Variants in MED15 observed in about 807,000 individuals in gnomAD.
The protein encoded by MED15 is mediator complex subunit 15.
A neutral mutation model predicts 118.7 loss-of-function variants in MED15; 41 were observed. The ratio of observed to expected loss-of-function variants is 0.35; its 90% confidence interval spans 0.27 to 0.45. The LOEUF (loss-of-function observed/expected upper bound fraction) is 0.45, where lower values mean the gene tolerates loss of function less well. Ranked by LOEUF, MED15 falls within the 20% of genes least tolerant of loss-of-function variation. The pLI, the probability that MED15 is intolerant of heterozygous loss-of-function variation, is 1.00. For missense variants in MED15, 740 were observed against 1,025.5 expected, an observed-to-expected ratio of 0.72 and a Z score of 3.80; for synonymous variants, 436 against 413.9, an observed-to-expected ratio of 1.05 and a Z score of -0.65.
At chr22:20,585,608 G>C in intron 16 of MED15, 120 bp from the exon 17 acceptor site, 1 of 928,250 alleles carries the variant, frequency 1.1e-6, no homozygotes, top group Non-Finnish European at 1.7e-6. Flanking sequence ...ACCTCCTCCA[G>C]GCTTTGCCAC....
At chr22:20,518,115 C>T (rs1357045930) in intron 1 of MED15, among the ~76,000 whole-genome samples, 1 of 85,542 alleles carries the variant, frequency 1.2e-5, no homozygotes, top group Non-Finnish European at 2.3e-5. Flanking sequence ...CATCGACAAG[C>T]GCTTGTTACC....
chr22:20,542,441 C>T (rs1417374240), intron 2 of MED15, among the ~76,000 whole-genome samples: 4 of 152,168 alleles, frequency 2.6e-5, no homozygotes, highest in African/African-American at 4.8e-5. Context: ...AAGCTAAAAA[C>T]ATTACATAAA....
rs5995891 is a variant in MED15, at chr22:20,546,201, C to A, written c.157-5235C>A. On this transcript the variant is annotated intron_variant, in intron 2 of 17. Transcript: ENST00000263205. The stretch of plus-strand genomic sequence containing the variant: ...AGCCCAGCTGTCCTGCAGCCCTCCC[C>A]ATGGGCTCTGATGTCTCCCAAGCTG... 2.7e-3 allele frequency among the ~76,000 whole-genome samples: 408 copies of A among 152,338 alleles called. 1 individual carries two copies. The highest frequency in any genetic ancestry group is 8.4e-3 in the African/African-American group (351 of 41,572).
At chr22:20,531,917 A>AGG (rs2054878368) in intron 1 of MED15, among the ~76,000 whole-genome samples, 1 of 152,160 alleles carries the variant, frequency 6.6e-6, no homozygotes, top group African/African-American at 2.4e-5. Flanking sequence ...AACAGGCCTG[A>AGG]TGGGATAGTC....
intron 1 of MED15, among the ~76,000 whole-genome samples, chr22:20,528,068 C>A (rs1263079608): frequency 6.6e-6 from 1 of 151,956 alleles, no homozygotes; most frequent in Non-Finnish European, 1.5e-5. Context: ...CTAATAAATT[C>A]TACATTTCCT....
At chr22:20,577,397 C>CCCCT (rs1315852895) in intron 9 of MED15, among the ~76,000 whole-genome samples, 7 of 150,922 alleles carry the variant, frequency 4.6e-5, no homozygotes, top group East Asian at 1.9e-4. Flanking sequence ...TCACAGGCAG[C>CCCCT]CCCTCCCTCC....
chr22:20,568,742 G>C, intron 8 of MED15, 111 bp downstream of exon 8: 1 of 1,489,804 alleles, frequency 6.7e-7, no homozygotes, highest in Non-Finnish European at 9.0e-7. Context: ...GGGCTAAGTT[G>C]GTAAAGCAGG....
At chr22:20,535,164 G>T (rs2055017624) in intron 1 of MED15, among the ~76,000 whole-genome samples, 1 of 152,136 alleles carries the variant, frequency 6.6e-6, no homozygotes, top group African/African-American at 2.4e-5. Context: ...CACCACGTTA[G>T]CCAGGCTGGT....
chr22:20,562,334 T>A (rs1355856764), intron 5 of MED15, among the ~76,000 whole-genome samples: 1 of 152,118 alleles, frequency 6.6e-6, no homozygotes. Context: ...TAAAAATAAA[T>A]CATAAAGCAA....
intron 1 of MED15, among the ~76,000 whole-genome samples, chr22:20,520,387 G>A (rs1169261931): frequency 2.6e-5 from 4 of 152,172 alleles, no homozygotes; most frequent in South Asian, 2.1e-4. Flanking sequence ...CTCAGGGTTC[G>A]TCCTCAGAAG....
intron 1 of MED15, among the ~76,000 whole-genome samples, chr22:20,516,933 TTA>T (rs1218684809): frequency 6.6e-6 from 1 of 152,178 alleles, no homozygotes; most frequent in Non-Finnish European, 1.5e-5. Context: ...CTCCACACAA[TTA>T]TTATTACTAT....
Position 20,568,543 on chromosome 22 carries a change from A to C in MED15, c.1064A>C (p.Gln355Pro). The C allele has an allele frequency of 1.9e-6, 3 of 1,613,738 alleles. No homozygotes were observed. The highest frequency in any genetic ancestry group is 2.5e-6 in the Non-Finnish European group (3 of 1,179,918). ...LKFVRAPMVV[Q>P]QPPVQPQVQQ... ...AAGGTCCGAGCTCCGATGGTGGTGCAGCAGCCCCCAGTGCAGCCCCAGGTG... is the reference window on the plus strand; with the variant it reads ...AAGGTCCGAGCTCCGATGGTGGTGCCGCAGCCCCCAGTGCAGCCCCAGGTG... Residue 355 changes from glutamine to proline, a missense_variant, in exon 8 of 18, where the codon CAG (glutamine) becomes CCG (proline). Transcript: ENST00000263205.
intron 11 of MED15, 37 bp downstream of exon 11, chr22:20,583,004 CTTTATGAG>C (rs1172117691): frequency 6.3e-7 from 1 of 1,596,936 alleles, no homozygotes. Context: ...CACTCCTCAC[CTTTATGAG>C]GCCTCAGCTC....
intron 16 of MED15, 171 bp from the exon 17 acceptor site, chr22:20,585,557 G>A: frequency 1.4e-6 from 1 of 709,416 alleles, no homozygotes; most frequent in South Asian, 1.8e-5. Context: ...TCAATGCAGA[G>A]CACTCCAGGC....
intron 5 of MED15, among the ~76,000 whole-genome samples, chr22:20,560,239 C>T (rs1434038458): frequency 2.0e-5 from 3 of 151,936 alleles, no homozygotes; most frequent in Admixed American, 6.6e-5. Flanking sequence ...TGCCACATTC[C>T]AAGCACTATT....
rs530769933 is a variant in MED15 at position 20,561,256 on chromosome 22, C to T, written c.452-3194C>T. 2.0e-5 allele frequency among the ~76,000 whole-genome samples: 3 copies of T among 152,268 alleles called. No individual in the cohort carries two copies. In the East Asian group the frequency reaches 5.8e-4, roughly 29 times the overall value. On this transcript the variant is annotated intron_variant, in intron 5 of 17. Transcript: ENST00000263205. ...AAGACAAAGGCCGGGCGCGGTGGCT[C>T]AGGCCTGTAATCGCAGCACTTTGGG...
In MED15 at chr22:20,537,102, C is replaced by T. The variant is rs758284408; in HGVS notation, c.69-15C>T. The T allele has an allele frequency of 6.2e-7, 1 of 1,612,296 alleles. No homozygotes were observed. Among genetic ancestry groups the T allele is most frequent in the South Asian group, 1.1e-5 (1 of 90,980 alleles). ...ACTGGTGTGTGCAAACGTCTCTTCTCCTTTTGTGTTTCAGCGAGGATGCCA... is the reference window on the plus strand; with the variant it reads ...ACTGGTGTGTGCAAACGTCTCTTCTTCTTTTGTGTTTCAGCGAGGATGCCA... On this transcript the variant is annotated splice_polypyrimidine_tract_variant and intron_variant, in intron 1 of 17. Transcript: ENST00000263205.
intron 13 of MED15, chr22:20,583,682 C>G (rs2057055027): frequency 2.3e-6 from 1 of 437,786 alleles, no homozygotes; most frequent in East Asian, 4.1e-5. Context: ...CTTGCAGTGG[C>G]CTGACCATCA....
chr22:20,564,801 C>A, intron 6 of MED15, 113 bp downstream of exon 6: 1 of 1,522,982 alleles, frequency 6.6e-7, no homozygotes, highest in South Asian at 1.2e-5. Flanking sequence ...GTTCTCTTGA[C>A]ACGTGTGCCT....
Sources: gnomAD v4.1 joint callset for allele counts (sites outside exome capture counted in the v4.1 genomes callset) on GRCh38, gnomAD v4.1.1 for gene constraint, MANE v1.5 for transcripts, NCBI Gene and HGNC (gene_info 2026-07-23, HGNC 2026-07-21) for gene names.